Variants in LAMA3 observed in about 807,000 individuals in gnomAD.
LAMA3 encodes the protein laminin subunit alpha-3.
A neutral mutation model predicts 402.0 loss-of-function variants in LAMA3; 281 were observed. The observed-to-expected ratio is 0.70, with a 90% CI of 0.63 to 0.77. The LOEUF is 0.77. LAMA3 is among the 30% of genes least tolerant of loss of function. LAMA3 has a pLI of 0.00. For synonymous variants in LAMA3, 1,431 were observed against 1,558.4 expected (o/e 0.92, Z 1.93); for missense variants, 3,840 against 4,215.5 (o/e 0.91, Z 2.47).
chr18:23,845,224 C>T (rs1344790788), intron 30 of LAMA3, 100 bp downstream of exon 30: 1 of 737,024 alleles, frequency 1.4e-6, no homozygotes, highest in African/African-American at 1.7e-5. Flanking sequence ...GATCCGTCCT[C>T]TTCCCCGCAC....
At chr18:23,921,127 A>G (rs1382043190) in intron 61 of LAMA3, 73 bp downstream of exon 61, 9 of 1,464,478 alleles carry the variant, frequency 6.1e-6, no homozygotes, top group Non-Finnish European at 7.6e-6. Context: ...AGTGCCCCCA[A>G]ATAAATAAAT....
chr18:23,701,601 A>T (rs1156326214), intron 1 of LAMA3, among the ~76,000 whole-genome samples: 2 of 152,222 alleles, frequency 1.3e-5, no homozygotes, highest in African/African-American at 4.8e-5. Context: ...CCTGTGCCAG[A>T]TACCAATCTA....
Position 23,901,310 on chromosome 18 carries a change from T to C in LAMA3, c.6188T>C (p.Leu2063Ser), listed in dbSNP as rs1332214293. The C allele has an allele frequency of 6.2e-7, 1 of 1,613,886 alleles. No homozygotes were observed. Among genetic ancestry groups the C allele is most frequent in the East Asian group, 2.2e-5 (1 of 44,900 alleles). Residue 2063 changes from leucine to serine, a missense_variant, in exon 48 of 75, where the codon TTG (leucine) becomes TCG (serine). By Grantham distance (145) the Leu-to-Ser change is moderately radical. Around this residue, in one of 3 missense-constraint regions of LAMA3, gnomAD observed 891 missense variants for 857.5 expected, o/e 1.04. Coordinates refer to ENST00000313654, the MANE Select transcript of LAMA3 (RefSeq NM_198129.4). ...TTGAACCAAGAAAACGAGAGAGCTT[T>C]GGGAGCCATTCAGGTGAGTTCACAG... ...NGLNQENERALGAIQRQVKEI... is the reference protein window; with the variant it reads ...NGLNQENERASGAIQRQVKEI...
intron 42 of LAMA3, among the ~76,000 whole-genome samples, chr18:23,891,741 T>A (rs1171999985): frequency 1.3e-5 from 2 of 152,202 alleles, no homozygotes; most frequent in Non-Finnish European, 2.9e-5. Context: ...CTTAAGGTTG[T>A]CATCAGCAGT....
chr18:23,904,491 G>T, intron 50 of LAMA3, 62 bp from the exon 51 acceptor site: 2 of 1,510,764 alleles, frequency 1.3e-6, no homozygotes, highest in Non-Finnish European at 1.8e-6. Context: ...AAAGGTTTGG[G>T]GGGATGTCAG....
chr18:23,949,083 C>T (rs1353010267), intron 70 of LAMA3, among the ~76,000 whole-genome samples: 1 of 152,166 alleles, frequency 6.6e-6, no homozygotes, highest in African/African-American at 2.4e-5. Context: ...CAGAACCCCA[C>T]AAGCCTGTTC....
At chr18:23,743,759 T>C (rs2143459305) in intron 2 of LAMA3, among the ~76,000 whole-genome samples, 1 of 152,378 alleles carries the variant, frequency 6.6e-6, no homozygotes, top group Middle Eastern at 3.4e-3. Context: ...AAGCTATCTT[T>C]AGCTTATTAC....
At chr18:23,690,006 G>C in intron 1 of LAMA3, 29 bp downstream of exon 1, 1 of 1,399,154 alleles carries the variant, frequency 7.1e-7, no homozygotes, top group Non-Finnish European at 9.3e-7. Context: ...GCCGGGGTGG[G>C]CGCGCCTTTT....
chr18:23,866,544 A>T (rs1361311702), intron 36 of LAMA3, among the ~76,000 whole-genome samples: 3 of 152,368 alleles, frequency 2.0e-5, no homozygotes, highest in African/African-American at 7.2e-5. Flanking sequence ...AGTCTAAGGA[A>T]AAATAGCTAC....
At chr18:23,783,515 G>C (rs2143998016) in intron 11 of LAMA3, among the ~76,000 whole-genome samples, 1 of 152,302 alleles carries the variant, frequency 6.6e-6, no homozygotes, top group African/African-American at 2.4e-5. Flanking sequence ...TCCTGAGGTG[G>C]GAAAGCCCTG....
chr18:23,709,129 G>A lies in LAMA3; in HGVS notation c.295-4791G>A, dbSNP rs151235890. On this transcript the variant is annotated intron_variant, in intron 1 of 74. Coordinates refer to ENST00000313654, the MANE Select transcript of LAMA3 (RefSeq NM_198129.4). ...TCTGTTGCCCAGACTGGAGTCCAGT[G>A]GTATGATCTTGGCTCACTGCAACCT... 2.5e-3 allele frequency among the ~76,000 whole-genome samples: 386 copies of A among 151,606 alleles called. 2 individuals are homozygous for A. Among genetic ancestry groups the A allele is most frequent in the African/African-American group, 9.1e-3 (375 of 41,266 alleles).
intron 2 of LAMA3, among the ~76,000 whole-genome samples, chr18:23,740,509 C>T (rs550437072): frequency 1.4e-4 from 21 of 152,084 alleles, no homozygotes; most frequent in Admixed American, 1.4e-3. Context: ...TTTTATTTCT[C>T]AGGCTCCTGT....
chr18:23,800,599 C>A (rs1407471978), intron 12 of LAMA3, among the ~76,000 whole-genome samples: 2 of 152,166 alleles, frequency 1.3e-5, no homozygotes, highest in African/African-American at 4.8e-5. Context: ...TAACCACATT[C>A]ACCCTGCAGT....
intron 2 of LAMA3, among the ~76,000 whole-genome samples, chr18:23,744,385 T>G (rs2061611913): frequency 6.6e-6 from 1 of 152,092 alleles, no homozygotes; most frequent in Non-Finnish European, 1.5e-5. Flanking sequence ...AGGGAAACAT[T>G]GAAAAGTGGC....
intron 41 of LAMA3, among the ~76,000 whole-genome samples, chr18:23,886,352 T>G (rs1476714641): frequency 6.6e-6 from 1 of 152,180 alleles, no homozygotes; most frequent in Non-Finnish European, 1.5e-5. Context: ...ATTTGCTAAT[T>G]AGGGCCAAGC....
chr18:23,887,766 C>G (rs1376503149), intron 41 of LAMA3, among the ~76,000 whole-genome samples: 1 of 152,188 alleles, frequency 6.6e-6, no homozygotes, highest in Non-Finnish European at 1.5e-5. Flanking sequence ...AAAGGCTTTC[C>G]AGCCCATGCA....
chr18:23,815,965 A>G (rs1451382566), intron 17 of LAMA3, among the ~76,000 whole-genome samples: 1 of 151,910 alleles, frequency 6.6e-6, no homozygotes, highest in East Asian at 1.9e-4. Context: ...CCGCAAGGCT[A>G]CTCTTGAATC....
intron 23 of LAMA3, among the ~76,000 whole-genome samples, chr18:23,832,516 G>A (rs1442450405): frequency 1.3e-5 from 2 of 152,200 alleles, no homozygotes; most frequent in African/African-American, 4.8e-5. Context: ...TCTTGCCTGG[G>A]CCTGAGCTTG....
At chr18:23,880,772 G>A (rs1439385328) in intron 39 of LAMA3, among the ~76,000 whole-genome samples, 1 of 152,170 alleles carries the variant, frequency 6.6e-6, no homozygotes, top group Admixed American at 6.5e-5. Flanking sequence ...AGCTACTCGG[G>A]AGGCTGAGGC....
Sources: gnomAD v4.1 joint callset for allele counts (sites outside exome capture counted in the v4.1 genomes callset) on GRCh38, gnomAD v4.1.1 for gene constraint, gnomAD v4.1.1 regional missense constraint, MANE v1.5 for transcripts, NCBI Gene and HGNC (gene_info 2026-07-23, HGNC 2026-07-21) for gene names.